Variants in SLC9D1 observed in about 807,000 individuals in gnomAD.
The protein encoded by SLC9D1 is putative LAG1-interacting protein.
At chr13:113,547,125 C>A in the SLC9D1 span, 1 of 606,334 alleles carries the variant, frequency 1.6e-6, no homozygotes, top group Non-Finnish European at 3.0e-6. Flanking sequence ...TTCCCCGGTT[C>A]GCTCAGGAAA....
the SLC9D1 span, chr13:113,495,908 C>T: frequency 8.1e-6 from 13 of 1,613,978 alleles, no homozygotes; most frequent in South Asian, 3.3e-5. Context: ...GTGAAAATTC[C>T]GTTTTCCAAG....
At chr13:113,529,770 A>G in the SLC9D1 span, 1 of 152,234 alleles carries the variant, frequency 6.6e-6, no homozygotes, top group Non-Finnish European at 1.5e-5. Context: ...CCCGCAAGAA[A>G]CAAAAACACA....
At chr13:113,543,048 C>T in the SLC9D1 span, among the ~76,000 whole-genome samples, 1 of 135,268 alleles carries the variant, frequency 7.4e-6, no homozygotes, top group African/African-American at 2.8e-5. Context: ...TGTGTGTGAC[C>T]CCCACCTCCT....
At chr13:113,491,078 C>CCCTCCCGGCCTCCCGG in the SLC9D1 span, 1 of 152,336 alleles carries the variant, frequency 6.6e-6, no homozygotes, top group African/African-American at 2.5e-5. Flanking sequence ...GGCGGCCGCT[C>CCCTCCCGGCCTCCCGG]CCTCCCGGAC....
the SLC9D1 span, among the ~76,000 whole-genome samples, chr13:113,497,368 G>GTGTGAGACCTGCAGCTC: frequency 6.8e-6 from 1 of 147,770 alleles, no homozygotes; most frequent in Non-Finnish European, 1.5e-5. Flanking sequence ...ACCTGCAGCT[G>GTGTGAGACCTGCAGCTC]TGTGTGAGAC....
chr13:113,503,168 AC>A, the SLC9D1 span, among the ~76,000 whole-genome samples: 1 of 152,218 alleles, frequency 6.6e-6, no homozygotes, highest in East Asian at 1.9e-4. Context: ...GTGCTCATAA[AC>A]CAACAAATAA....
the SLC9D1 span, among the ~76,000 whole-genome samples, chr13:113,536,360 T>C: frequency 2.5e-4 from 38 of 152,114 alleles, no homozygotes; most frequent in African/African-American, 8.9e-4. Context: ...AAAGTTTCCA[T>C]TTAAAAAAAG....
At chr13:113,549,436 T>C in the SLC9D1 span, 75 of 1,613,972 alleles carry the variant, frequency 4.6e-5, no homozygotes, top group Non-Finnish European at 6.3e-5. Context: ...TGTACCTCCT[T>C]ATACTGAGTG....
chr13:113,508,812 A>C, the SLC9D1 span, among the ~76,000 whole-genome samples: 3 of 152,240 alleles, frequency 2.0e-5, no homozygotes, highest in Non-Finnish European at 4.4e-5. Flanking sequence ...GATTCTCAAA[A>C]AAAAAGTTGT....
At chr13:113,526,753 C>T in the SLC9D1 span, among the ~76,000 whole-genome samples, 4 of 152,154 alleles carry the variant, frequency 2.6e-5, no homozygotes, top group East Asian at 1.9e-4. Flanking sequence ...GCGCCTGTGG[C>T]GTCTGCCGTG....
At chr13:113,531,358 G>A in the SLC9D1 span, among the ~76,000 whole-genome samples, 7 of 152,258 alleles carry the variant, frequency 4.6e-5, no homozygotes, top group Non-Finnish European at 8.8e-5. Context: ...GTGCTGATGG[G>A]AAGCTTGTCC....
chr13:113,508,973 G>A, the SLC9D1 span, among the ~76,000 whole-genome samples: 1 of 151,288 alleles, frequency 6.6e-6, no homozygotes, highest in Admixed American at 6.6e-5. Flanking sequence ...GGCAGGCTTG[G>A]CGGGTGGGTC....
the SLC9D1 span, among the ~76,000 whole-genome samples, chr13:113,507,273 G>A: frequency 6.6e-6 from 1 of 152,168 alleles, no homozygotes; most frequent in African/African-American, 2.4e-5. Flanking sequence ...TGTGGACTCG[G>A]ATTGCAGATC....
At chr13:113,493,023 T>C in the SLC9D1 span, among the ~76,000 whole-genome samples, 1 of 152,212 alleles carries the variant, frequency 6.6e-6, no homozygotes, top group Non-Finnish European at 1.5e-5. Context: ...GTCAGTAGGA[T>C]TTTGGAGGCA....
the SLC9D1 span, chr13:113,500,074 C>G: frequency 1.3e-6 from 2 of 1,597,680 alleles, no homozygotes; most frequent in Non-Finnish European, 1.7e-6. Flanking sequence ...TGCTGATTGA[C>G]TCCCAGAACA....
At chr13:113,502,275 G>A in the SLC9D1 span, among the ~76,000 whole-genome samples, 1 of 152,122 alleles carries the variant, frequency 6.6e-6, no homozygotes, top group African/African-American at 2.4e-5. Context: ...GTGCAATGGT[G>A]CAATCTTGGC....
chr13:113,549,336 C>T, the SLC9D1 span: 1 of 1,456,298 alleles, frequency 6.9e-7, no homozygotes, highest in Non-Finnish European at 9.4e-7. Context: ...GGCGTCCCTC[C>T]CAGCTCAGTG....
At chr13:113,501,856 A>G in the SLC9D1 span, 31 of 1,611,588 alleles carry the variant, frequency 1.9e-5, no homozygotes, top group South Asian at 3.2e-4. Flanking sequence ...TACTTCTGGG[A>G]CCTTCAGGAC....
chr13:113,521,070 G>C, the SLC9D1 span, among the ~76,000 whole-genome samples: 1 of 152,154 alleles, frequency 6.6e-6, no homozygotes, highest in African/African-American at 2.4e-5. Context: ...GATGTGGAGG[G>C]AGGGGGGTGT....
Sources: gnomAD v4.1 joint callset for allele counts (sites outside exome capture counted in the v4.1 genomes callset) on GRCh38, gnomAD v4.1.1 for gene constraint, MANE v1.5 for transcripts, NCBI Gene and HGNC (gene_info 2026-07-23, HGNC 2026-07-21) for gene names.